The following STEAP1B variants were observed in gnomAD, a reference collection of about 807,000 sequenced individuals.
The protein encoded by STEAP1B is STEAP family protein MGC87042.
STEAP1B carries 13 observed loss-of-function variants against 27.9 expected under a neutral mutation model. The ratio of observed to expected loss-of-function variants is 0.47; its 90% CI spans 0.30 to 0.74. The LOEUF is 0.74. Ranked by LOEUF, STEAP1B falls within the 30% of genes least tolerant of loss-of-function variation. The pLI, the probability that STEAP1B is intolerant of heterozygous loss-of-function variation, is 0.06. For synonymous variants in STEAP1B, 86 were observed against 107.1 expected (o/e 0.80, Z 1.22); for missense variants, 250 against 298.7 (o/e 0.84, Z 1.20).
chr7:22,478,463 T>C (rs975069447), intron 4 of STEAP1B, among the ~76,000 whole-genome samples: 2 of 152,160 alleles, frequency 1.3e-5, no homozygotes, highest in African/African-American at 4.8e-5. Context: ...CACAGTCCTA[T>C]GATAGCCACA....
chr7:22,471,538 T>C (rs1245950259), intron 4 of STEAP1B, among the ~76,000 whole-genome samples: 1 of 152,294 alleles, frequency 6.6e-6, no homozygotes, highest in African/African-American at 2.4e-5. Flanking sequence ...AGGTATTAGA[T>C]ACTGTACGAG....
intron 4 of STEAP1B, among the ~76,000 whole-genome samples, chr7:22,473,710 A>G (rs1785925633): frequency 6.6e-6 from 1 of 152,172 alleles, no homozygotes; most frequent in South Asian, 2.1e-4. Flanking sequence ...TTTTTGCTCC[A>G]TAGATGATTG....
chr7:22,499,809 G>A (rs1278395386), intron 1 of STEAP1B, among the ~76,000 whole-genome samples: 2 of 152,204 alleles, frequency 1.3e-5, no homozygotes, highest in East Asian at 1.9e-4. Context: ...AATCCAACCT[G>A]AGCACAAACT....
chr7:22,494,636 T>C, intron 2 of STEAP1B, 136 bp downstream of exon 2: 1 of 584,272 alleles, frequency 1.7e-6, no homozygotes, highest in Non-Finnish European at 2.9e-6. Flanking sequence ...ACAGTATCAG[T>C]GACAGTAATC....
At chr7:22,491,853 G>A (rs1786328278) in intron 4 of STEAP1B, among the ~76,000 whole-genome samples, 1 of 152,160 alleles carries the variant, frequency 6.6e-6, no homozygotes, top group Admixed American at 6.5e-5. Context: ...AAGTTAATTT[G>A]TCAGCTATGT....
chr7:22,427,830 A>AAGGT (rs1785127993), intron 4 of STEAP1B, among the ~76,000 whole-genome samples: 1 of 152,268 alleles, frequency 6.6e-6, no homozygotes. Flanking sequence ...CAAGACTGCC[A>AAGGT]AGGTAATGAG....
At chr7:22,486,803 C>A (rs540391036) in intron 4 of STEAP1B, among the ~76,000 whole-genome samples, 3 of 152,218 alleles carry the variant, frequency 2.0e-5, no homozygotes, top group Admixed American at 6.5e-5. Context: ...ACACTGGCCA[C>A]TAGCCCTTCC....
rs16881810 is a variant in STEAP1B, at chr7:22,493,778, T to C, written c.143A>G (p.Gln48Arg). The change falls in exon 3 of 5, where the codon CAA (glutamine) becomes CGA (arginine). Residue 48 changes from glutamine (Q) to arginine (R), a missense_variant. By Grantham distance (43) the Gln-to-Arg change is conservative (BLOSUM62 1). Transcript: ENST00000678116. ...GTCAAATTCATCAGCATGGGCTGTT[T>C]GCTGCAAATGCAAAAGCACAGGTCT... The part of the protein sequence containing the change: ...LKRPVLLHLQ[Q>R]TAHADEFDCP... 134,044 of 1,600,092 alleles carry C rather than the reference T, an allele frequency of 0.084. 6,612 individuals carry two copies. The highest frequency in any genetic ancestry group is 0.092 in the Non-Finnish European group (107,128 of 1,168,300).
intron 4 of STEAP1B, among the ~76,000 whole-genome samples, chr7:22,458,259 G>A (rs28672366): frequency 0.017 from 2,536 of 152,290 alleles, 87 homozygotes; most frequent in African/African-American, 0.058. Context: ...ACCAGAGAGA[G>A]AAACAAACAT....
intron 4 of STEAP1B, among the ~76,000 whole-genome samples, chr7:22,487,420 A>G (rs896435060): frequency 6.6e-6 from 1 of 152,192 alleles, no homozygotes; most frequent in Admixed American, 6.5e-5. Context: ...GACAAAAACC[A>G]AGACTTGATA....
intron 4 of STEAP1B, among the ~76,000 whole-genome samples, chr7:22,461,914 G>C (rs551491204): frequency 1.8e-4 from 28 of 152,216 alleles, no homozygotes; most frequent in Non-Finnish European, 3.5e-4. Flanking sequence ...CCACGTGACT[G>C]TTAGGATTAA....
intron 4 of STEAP1B, among the ~76,000 whole-genome samples, chr7:22,487,800 C>T (rs1786238499): frequency 8.4e-6 from 1 of 119,018 alleles, no homozygotes; most frequent in Admixed American, 9.7e-5. Context: ...AGCAAAACTC[C>T]ACCCAAAAAA....
At chr7:22,483,273 A>C (rs886566102) in intron 4 of STEAP1B, among the ~76,000 whole-genome samples, 3 of 152,206 alleles carry the variant, frequency 2.0e-5, no homozygotes, top group Non-Finnish European at 4.4e-5. Context: ...AAAGAAAAAA[A>C]AAATCGCCAG....
chr7:22,462,452 A>G (rs1785695242), intron 4 of STEAP1B, among the ~76,000 whole-genome samples: 4 of 125,730 alleles, frequency 3.2e-5, no homozygotes, highest in Admixed American at 8.5e-5. Flanking sequence ...TCATTGTTCA[A>G]TTCCCACCTA....
Position 22,492,582 on chromosome 7 carries a change from C to T in STEAP1B, c.745G>A (p.Glu249Lys), listed in dbSNP as rs545864876. The part of the protein sequence containing the change: ...PSVSDSLTWR[E>K]FHYIQVHGRI... ...TTATTTACCTGAATATAGTGAAATT[C>T]TCTCCATGTCAAAGAGTCACTCACA... Residue 249 changes from glutamate (E) to lysine (K), a missense_variant, in exon 4 of 5, where the codon GAA (glutamate) becomes AAA (lysine). Coordinates refer to ENST00000678116, the MANE Select transcript of STEAP1B (RefSeq NM_001382447.1). 1.9e-6 allele frequency: 3 copies of T among 1,597,768 alleles called. No homozygotes were observed. Among genetic ancestry groups the T allele is most frequent in the African/African-American group, 1.4e-5 (1 of 73,850 alleles).
chr7:22,483,811 G>C (rs1029255362), intron 4 of STEAP1B, among the ~76,000 whole-genome samples: 2 of 152,148 alleles, frequency 1.3e-5, no homozygotes, highest in African/African-American at 4.8e-5. Context: ...ATGGCTGGTC[G>C]GTGGAGCAGT....
At chr7:22,444,911 G>A (rs180978143) in intron 4 of STEAP1B, among the ~76,000 whole-genome samples, 35 of 152,240 alleles carry the variant, frequency 2.3e-4, no homozygotes, top group Non-Finnish European at 4.3e-4. Flanking sequence ...GCCAACAATT[G>A]GACACCCCCA....
At chr7:22,424,459 G>A (rs1329092890) in intron 4 of STEAP1B, among the ~76,000 whole-genome samples, 1 of 152,090 alleles carries the variant, frequency 6.6e-6, no homozygotes, top group Non-Finnish European at 1.5e-5. Context: ...AGCTATAATT[G>A]TCACCAATTA....
intron 4 of STEAP1B, among the ~76,000 whole-genome samples, chr7:22,459,216 T>G (rs953572357): frequency 1.3e-5 from 2 of 152,234 alleles, no homozygotes; most frequent in Non-Finnish European, 2.9e-5. Flanking sequence ...TTTGATTCAA[T>G]TTCATGATTC....
Sources: gnomAD v4.1 joint callset for allele counts (sites outside exome capture counted in the v4.1 genomes callset) on GRCh38, gnomAD v4.1.1 for gene constraint, MANE v1.5 for transcripts, NCBI Gene and HGNC (gene_info 2026-07-23, HGNC 2026-07-21) for gene names.